The following FBXO10 variants were observed in gnomAD, a reference collection of about 807,000 sequenced individuals.
FBXO10 encodes the protein F-box protein 10.
FBXO10 carries 39 observed loss-of-function variants against 80.7 expected under a neutral mutation model. That is an observed-to-expected ratio of 0.48 (90% CI 0.37 to 0.63). The LOEUF (loss-of-function observed/expected upper bound fraction) is 0.63. Ranked by LOEUF, FBXO10 falls within the 30% of genes least tolerant of loss-of-function variation. FBXO10 has a pLI of 0.00. For synonymous variants in FBXO10, 449 were observed against 489.6 expected, an observed-to-expected ratio of 0.92 and a Z score of 1.09; for missense variants, 1,025 against 1,269.0, an observed-to-expected ratio of 0.81 and a Z score of 2.92.
At position 37,512,740 on chromosome 9, in the gene FBXO10, A is replaced by T. The variant is rs779729619; in HGVS notation, c.2697-19T>A. On this transcript the variant is annotated intron_variant, in intron 10 of 10. Transcript: ENST00000432825. Reference sequence around the variant, plus strand: ...ATCAGACCTGGAGGTGCAAAACGAAAGTCAGTGAACTTCTGAGGGGTGTGC... The same window carrying T: ...ATCAGACCTGGAGGTGCAAAACGAATGTCAGTGAACTTCTGAGGGGTGTGC... 1.2e-6 allele frequency: 2 copies of T among 1,607,866 alleles called. No individual in the cohort carries two copies. The highest frequency in any genetic ancestry group is 1.7e-6 in the Non-Finnish European group (2 of 1,176,042).
Position 37,541,711 on chromosome 9 carries a change from G to A in FBXO10, c.58C>T (p.Leu20Phe). 1 of 1,613,618 alleles carries A rather than the reference G, an allele frequency of 6.2e-7. No homozygotes were observed. The highest frequency in any genetic ancestry group is 8.5e-7 in the Non-Finnish European group (1 of 1,179,830). ...LWRMILAYLH[L>F]PDLGRCSLVC... is the part of the protein sequence containing the mutation. ...AGGCTGCAGCGGCCCAGGTCGGGAA[G>A]GTGCAAGTAGGCTAAGATCATGCGC... Residue 20 changes from leucine to phenylalanine, a missense_variant, in exon 2 of 11, where the codon CTT becomes TTT. Coordinates refer to ENST00000432825, the MANE Select transcript of FBXO10 (RefSeq NM_012166.3).
rs544840941 is a variant in FBXO10, at chr9:37,537,967, G to A, written c.586-24C>T. On this transcript the variant is annotated intron_variant, in intron 2 of 10. Transcript: ENST00000432825. ...GTCTGGGGAATGAAAAGAAGAAAAC[G>A]GCTGTAAGAGGGATGAGATTGGTTT... 15 of 1,581,038 alleles carry A rather than the reference G, an allele frequency of 9.5e-6. No homozygotes were observed. In the East Asian group the frequency reaches 1.6e-4, roughly 17 times the overall value.
chr9:37,522,753 T>C, intron 7 of FBXO10, 72 bp downstream of exon 7: 1 of 1,517,044 alleles, frequency 6.6e-7, no homozygotes, highest in East Asian at 2.5e-5. Flanking sequence ...AGTGACCTTC[T>C]CAGGACCCAC....
intron 1 of FBXO10, among the ~76,000 whole-genome samples, chr9:37,573,407 C>G (rs1296714260): frequency 6.6e-6 from 1 of 152,166 alleles, no homozygotes; most frequent in Non-Finnish European, 1.5e-5. Context: ...GAAACAAGCT[C>G]TAACCTTGGA....
At chr9:37,573,937 G>GT (rs914267641) in intron 1 of FBXO10, among the ~76,000 whole-genome samples, 44 of 152,268 alleles carry the variant, frequency 2.9e-4, no homozygotes, top group African/African-American at 1.1e-3. Context: ...CCCATGACAG[G>GT]TAACTCAAGA....
rs1205797581 is a variant in FBXO10, at chr9:37,550,187, T to TTTTG, written c.-6-8414_-6-8413insCAAA. Among the ~76,000 whole-genome samples, 474 of 129,866 alleles carry TTTTG rather than the reference T, an allele frequency of 3.6e-3. 3 individuals carry two copies. The highest frequency in any genetic ancestry group is 0.013 in the African/African-American group (452 of 34,228). 85.2% of individuals were successfully genotyped at this position (129,866 alleles called of 152,430 possible). On this transcript the variant is annotated intron_variant, in intron 1 of 10. Transcript: ENST00000432825. ...GTCTCAGGTTTTTTTTTTTTTTTTTTTTTTTTTTTTTTTGAGATAGAGTCT... is the reference window on the plus strand; with the variant it reads ...GTCTCAGGTTTTTTTTTTTTTTTTTTTTTGTTTTTTTTTTTTTGAGATAGAGTCT...
chr9:37,547,326 A>G (rs1822081212), intron 1 of FBXO10, among the ~76,000 whole-genome samples: 1 of 152,238 alleles, frequency 6.6e-6, no homozygotes, highest in African/African-American at 2.4e-5. Context: ...GCAGTGGCAG[A>G]CGCCTATAAT....
rs1821230679 is a variant in FBXO10 at position 37,518,110 on chromosome 9, T to C, written c.2514+15A>G. ...GTGTGGGCACCACACGTCACACACA[T>C]GCAGACATACTCACTTTAGTGTCGG... On this transcript the variant is annotated intron_variant, in intron 9 of 10. Coordinates refer to ENST00000432825, the MANE Select transcript of FBXO10 (RefSeq NM_012166.3). The C allele has an allele frequency of 6.2e-7, 1 of 1,602,278 alleles. No individual in the cohort carries two copies. Among genetic ancestry groups the C allele is most frequent in the East Asian group, 2.2e-5 (1 of 44,832 alleles).
At chr9:37,530,348 A>T (rs1022450826) in intron 4 of FBXO10, among the ~76,000 whole-genome samples, 1 of 152,214 alleles carries the variant, frequency 6.6e-6, no homozygotes, top group Non-Finnish European at 1.5e-5. Flanking sequence ...ACTGCCTAAG[A>T]GAAGTCCCGC....
chr9:37,524,980 C>A, intron 6 of FBXO10, 122 bp downstream of exon 6: 1 of 823,192 alleles, frequency 1.2e-6, no homozygotes, highest in Non-Finnish European at 1.9e-6. Flanking sequence ...CTCCAGCCCA[C>A]CAGTCAGAGA....
intron 3 of FBXO10, among the ~76,000 whole-genome samples, chr9:37,535,022 A>G (rs1821722262): frequency 6.6e-6 from 1 of 152,214 alleles, no homozygotes; most frequent in South Asian, 2.1e-4. Flanking sequence ...ATGGCAGTCT[A>G]CTGCTGAGGG....
intron 9 of FBXO10, among the ~76,000 whole-genome samples, chr9:37,517,836 G>A (rs1477657392): frequency 9.2e-5 from 14 of 152,150 alleles, no homozygotes; most frequent in Admixed American, 7.2e-4. Context: ...ACCTTGACCC[G>A]GAGACCATGA....
Position 37,512,272 on chromosome 9 carries a change from T to C in FBXO10, c.*275A>G, listed in dbSNP as rs1821075181. ...CTCAGAGAAAATCCTGACCAAAAGCTTCAGCATTTGAGCTTCCCCCGCTCT... is the reference window on the plus strand; with the variant it reads ...CTCAGAGAAAATCCTGACCAAAAGCCTCAGCATTTGAGCTTCCCCCGCTCT... On this transcript the variant is annotated 3_prime_UTR_variant, in exon 11 of 11. Transcript: ENST00000432825. The C allele has an allele frequency of 6.5e-6, 2 of 307,978 alleles. No homozygotes were observed. Among genetic ancestry groups the C allele is most frequent in the Non-Finnish European group, 6.0e-6 (1 of 167,612 alleles). 19.1% of individuals were successfully genotyped at this position (307,978 alleles called of 1,614,324 possible).
chr9:37,542,808 A>G (rs1821959410), intron 1 of FBXO10, among the ~76,000 whole-genome samples: 1 of 152,184 alleles, frequency 6.6e-6, no homozygotes, highest in Non-Finnish European at 1.5e-5. Context: ...TTTGTAGGAT[A>G]TCCCAATGGC....
intron 1 of FBXO10, among the ~76,000 whole-genome samples, chr9:37,544,002 C>T (rs758283523): frequency 1.4e-4 from 22 of 152,260 alleles, no homozygotes; most frequent in Non-Finnish European, 2.4e-4. Context: ...TGCAGTGGCT[C>T]GTGCCTGTAA....
intron 1 of FBXO10, among the ~76,000 whole-genome samples, chr9:37,542,539 T>G (rs542389094): frequency 2.2e-4 from 31 of 143,706 alleles, no homozygotes; most frequent in African/African-American, 7.8e-4. Context: ...GGGATTGCAG[T>G]GAGCCCAGAT....
chr9:37,512,900 G>A (rs1478119575), intron 10 of FBXO10, among the ~76,000 whole-genome samples, 179 bp from the exon 11 acceptor site: 2 of 152,212 alleles, frequency 1.3e-5, no homozygotes, highest in African/African-American at 4.8e-5. Flanking sequence ...AAACTAAGGA[G>A]CAAAAGCCCT....
In FBXO10 at chr9:37,541,284, C is replaced by A; in HGVS notation, c.485G>T (p.Gly162Val). 6.2e-7 allele frequency: 1 copy of A among 1,613,960 alleles called. No individual in the cohort carries two copies. The highest frequency in any genetic ancestry group is 1.3e-5 in the African/African-American group (1 of 75,024). Residue 162 changes from glycine to valine, a missense_variant, in exon 2 of 11, where the codon GGT becomes GTT. Physicochemically the swap from Gly to Val is moderately radical, Grantham distance 109. Transcript: ENST00000432825. ...PVEIVGQGKL[G>V]EVALLASIDQ... ...AATGCTGGCCAGCAGGGCCACTTCA[C>A]CCAACTTCCCCTGCCCTACAATCTC... is the stretch of plus-strand genomic sequence containing the variant.
intron 1 of FBXO10, among the ~76,000 whole-genome samples, chr9:37,565,284 G>T (rs573769413): frequency 1.3e-5 from 2 of 152,120 alleles, no homozygotes; most frequent in Admixed American, 6.5e-5. Flanking sequence ...TCATGGCAGC[G>T]TGAGCACAGA....
Sources: gnomAD v4.1 joint callset for allele counts (sites outside exome capture counted in the v4.1 genomes callset) on GRCh38, gnomAD v4.1.1 for gene constraint, MANE v1.5 for transcripts, NCBI Gene and HGNC (gene_info 2026-07-23, HGNC 2026-07-21) for gene names.